Variants in MEGF10 observed in about 807,000 individuals in gnomAD.
MEGF10 encodes multiple epidermal growth factor-like domains protein 10.
MEGF10 carries 86 observed loss-of-function variants against 147.5 expected under a neutral mutation model. That is an observed-to-expected ratio of 0.58 (90% CI 0.49 to 0.70). The LOEUF is 0.70. Ranked by LOEUF, MEGF10 falls within the 30% of genes least tolerant of loss-of-function variation. The probability of loss-of-function intolerance (pLI) is 0.00; values close to 1 mark genes in which losing one functional copy is unlikely to be tolerated. For synonymous variants in MEGF10, 478 were observed against 525.5 expected (o/e 0.91, Z 1.24); for missense variants, 1,329 against 1,487.3 (o/e 0.89, Z 1.75).
chr5:127,269,744 C>G, the MEGF10 span, among the ~76,000 whole-genome samples: 8 of 151,524 alleles, frequency 5.3e-5, no homozygotes, highest in East Asian at 1.6e-3. Flanking sequence ...GAAAACGCCA[C>G]ACTCCTCGAG....
the MEGF10 span, among the ~76,000 whole-genome samples, chr5:127,237,215 G>C: frequency 6.6e-6 from 1 of 152,142 alleles, no homozygotes; most frequent in Non-Finnish European, 1.5e-5. Context: ...ATTTAACTTC[G>C]GCCAGGCGTG....
chr5:127,260,042 A>G, the MEGF10 span, among the ~76,000 whole-genome samples: 6 of 151,994 alleles, frequency 3.9e-5, no homozygotes, highest in Non-Finnish European at 8.8e-5. Flanking sequence ...CTATAATCCC[A>G]TCTACTCAGG....
chr5:127,293,441 C>T (rs1343714915), intron 1 of MEGF10, among the ~76,000 whole-genome samples: 7 of 152,094 alleles, frequency 4.6e-5, no homozygotes, highest in Non-Finnish European at 7.4e-5. Context: ...CCATTTTTGA[C>T]CTAAATAAAT....
intron 5 of MEGF10, among the ~76,000 whole-genome samples, chr5:127,388,822 G>A (rs1279352250): frequency 6.6e-6 from 1 of 152,198 alleles, no homozygotes; most frequent in African/African-American, 2.4e-5. Flanking sequence ...TGGGATTGCA[G>A]GCATGAGCCA....
At chr5:127,427,467 G>A (rs138305325) in intron 13 of MEGF10, among the ~76,000 whole-genome samples, 30 of 152,208 alleles carry the variant, frequency 2.0e-4, no homozygotes, top group South Asian at 6.2e-4. Context: ...GGGAGGGGTA[G>A]GAGAATAAGA....
At chr5:127,325,070 G>T (rs1304169706) in intron 1 of MEGF10, among the ~76,000 whole-genome samples, 3 of 152,168 alleles carry the variant, frequency 2.0e-5, no homozygotes, top group East Asian at 3.9e-4. Context: ...GGGGATAATA[G>T]ACCTTCTCCT....
chr5:127,257,200 C>A, the MEGF10 span, among the ~76,000 whole-genome samples: 1 of 151,834 alleles, frequency 6.6e-6, no homozygotes, highest in African/African-American at 2.4e-5. Flanking sequence ...GGTGTGACTC[C>A]CAGTCCCTTC....
chr5:127,421,629 G>C (rs989800285), intron 12 of MEGF10, among the ~76,000 whole-genome samples: 1 of 152,126 alleles, frequency 6.6e-6, no homozygotes, highest in Admixed American at 6.5e-5. Context: ...GATCTGGAAG[G>C]GGAGGAGCAA....
chr5:127,430,405 T>C (rs1314984899), intron 13 of MEGF10, among the ~76,000 whole-genome samples: 2 of 152,192 alleles, frequency 1.3e-5, no homozygotes, highest in African/African-American at 4.8e-5. Flanking sequence ...TTACAACTCT[T>C]CATCCTGGAG....
In MEGF10 at chr5:127,435,385, A is replaced by G. The variant is rs2127003826; in HGVS notation, c.2000A>G (p.Lys667Arg). 1 of 1,614,116 alleles carries G rather than the reference A, an allele frequency of 6.2e-7. No individual in the cohort carries two copies. The highest frequency in any genetic ancestry group is 1.1e-5 in the South Asian group (1 of 91,076). ...GTGTGTCCCAGTGGCAGATTTGGGA[A>G]AAACTGTGCAGGAATTTGTACCTGC... is the stretch of plus-strand genomic sequence containing the variant. ...NEVCPSGRFG[K>R]NCAGICTCTN... is the part of the protein sequence containing the mutation. The change falls in exon 16 of 25, where the codon AAA becomes AGA. Residue 667 changes from lysine (K) to arginine (R), a missense_variant. Physicochemically the swap from Lys to Arg is conservative, Grantham distance 26 (BLOSUM62 2). Transcript: ENST00000503335.
intron 20 of MEGF10, 47 bp from the exon 21 acceptor site, chr5:127,447,510 C>T (rs371888158): frequency 1.2e-6 from 2 of 1,611,828 alleles, no homozygotes; most frequent in South Asian, 1.1e-5. Flanking sequence ...TTTTCACACA[C>T]ATTTATGGGA....
rs554793678 is a variant in MEGF10, at chr5:127,457,330, C to T, written c.*12C>T. The T allele has an allele frequency of 2.1e-5, 33 of 1,609,216 alleles. No homozygotes were observed. Among genetic ancestry groups the T allele is most frequent in the East Asian group, 2.0e-4 (9 of 44,824 alleles). ...GCAGCAGTGAATGACACCAAAGGAC[C>T]GCTTGGTAGCCACTGGAACCCTTTC... On this transcript the variant is annotated 3_prime_UTR_variant, in exon 25 of 25. Transcript: ENST00000503335.
chr5:127,337,552 T>G (rs1761515689), intron 2 of MEGF10, among the ~76,000 whole-genome samples: 1 of 152,062 alleles, frequency 6.6e-6, no homozygotes. Flanking sequence ...ATTCCAAGAA[T>G]ATTAATATTT....
At chr5:127,308,725 A>C (rs1760126481) in intron 1 of MEGF10, among the ~76,000 whole-genome samples, 1 of 151,578 alleles carries the variant, frequency 6.6e-6, no homozygotes. Flanking sequence ...GGGTGGGGGG[A>C]AGGGGGAGGG....
Position 127,435,496 on chromosome 5 carries a change from C to G in MEGF10, c.2104+7C>G, listed in dbSNP as rs371274853. On this transcript the variant is annotated splice_region_variant and intron_variant, in intron 16 of 24. Transcript: ENST00000503335. ...GGCAGTGACTGCTCTCAACGTAAGT[C>G]TTGTTTGAGAACAATTAATAAACTG... is the stretch of plus-strand genomic sequence containing the variant. The G allele has an allele frequency of 6.2e-7, 1 of 1,610,404 alleles. No individual in the cohort carries two copies. The highest frequency in any genetic ancestry group is 8.5e-7 in the Non-Finnish European group (1 of 1,178,514).
At chr5:127,449,284 C>T (rs1446972649) in intron 22 of MEGF10, 62 bp downstream of exon 22, 12 of 1,591,214 alleles carry the variant, frequency 7.5e-6, no homozygotes, top group East Asian at 2.2e-5. Flanking sequence ...GAAACAGTCA[C>T]GGATCTCTGT....
At chr5:127,254,780 C>T in the MEGF10 span, among the ~76,000 whole-genome samples, 1 of 150,872 alleles carries the variant, frequency 6.6e-6, no homozygotes, top group African/African-American at 2.4e-5. Context: ...CACTGTACTA[C>T]AGCCTGGGTG....
intron 1 of MEGF10, among the ~76,000 whole-genome samples, chr5:127,326,967 C>T (rs1470034940): frequency 6.6e-6 from 1 of 152,100 alleles, no homozygotes; most frequent in African/African-American, 2.4e-5. Flanking sequence ...AGTCAACACC[C>T]CATTATTTAT....
intron 4 of MEGF10, among the ~76,000 whole-genome samples, chr5:127,358,480 T>G (rs910167451): frequency 2.6e-5 from 4 of 151,436 alleles, no homozygotes; most frequent in Non-Finnish European, 4.4e-5. Flanking sequence ...GAAAACATGC[T>G]GTGGGAAACA....
Sources: gnomAD v4.1 joint callset for allele counts (sites outside exome capture counted in the v4.1 genomes callset) on GRCh38, gnomAD v4.1.1 for gene constraint, MANE v1.5 for transcripts, NCBI Gene and HGNC (gene_info 2026-07-23, HGNC 2026-07-21) for gene names.